PALM2AKAP2: variants seen among roughly 807,000 people sequenced by gnomAD.
The protein encoded by PALM2AKAP2 is PALM2-AKAP2 fusion protein.
A neutral mutation model predicts 71.5 loss-of-function variants in PALM2AKAP2; 37 were observed. That is an observed-to-expected ratio of 0.52 (90% CI 0.40 to 0.68). The LOEUF (loss-of-function observed/expected upper bound fraction) is 0.68. PALM2AKAP2 is among the 30% of genes least tolerant of loss of function. The pLI, the probability that PALM2AKAP2 is intolerant of heterozygous loss-of-function variation, is 0.00. For missense variants in PALM2AKAP2, 1,224 were observed against 1,191.8 expected, an observed-to-expected ratio of 1.03 and a Z score of -0.40; for synonymous variants, 468 against 478.8, an observed-to-expected ratio of 0.98 and a Z score of 0.29.
chr9:109,738,017 C>A (rs188939374), intron 1 of PALM2AKAP2, among the ~76,000 whole-genome samples: 1 of 152,232 alleles, frequency 6.6e-6, no homozygotes, highest in East Asian at 1.9e-4. Flanking sequence ...GAGGCACAGA[C>A]AATCATTATA....
chr9:109,846,239 T>C (rs539409747), intron 1 of PALM2AKAP2, among the ~76,000 whole-genome samples: 1 of 152,170 alleles, frequency 6.6e-6, no homozygotes, highest in Non-Finnish European at 1.5e-5. Flanking sequence ...AAATCCAAGC[T>C]CAGGCTGGGA....
At chr9:109,805,536 G>A (rs12343505) in intron 1 of PALM2AKAP2, among the ~76,000 whole-genome samples, 10,517 of 152,196 alleles carry the variant, frequency 0.069, 489 homozygotes, top group South Asian at 0.094. Flanking sequence ...AAACACAAAT[G>A]TACAACTAGT....
At chr9:109,823,928 GC>G (rs1275261602) in intron 1 of PALM2AKAP2, among the ~76,000 whole-genome samples, 2 of 152,058 alleles carry the variant, frequency 1.3e-5, no homozygotes, top group African/African-American at 4.8e-5. Flanking sequence ...TCACTCTGGC[GC>G]CCAGGCTGGG....
At chr9:110,171,547 A>C (rs1836858077) in exon 4 of PALM2AKAP2, 1 of 152,136 alleles carries the variant, frequency 6.6e-6, no homozygotes, top group East Asian at 1.9e-4. Context: ...TGAGTTTTTT[A>C]TTCATTCAAG....
At chr9:110,127,853 TG>T (rs1835648413) in intron 1 of PALM2AKAP2, 1 of 152,212 alleles carries the variant, frequency 6.6e-6, no homozygotes, top group Admixed American at 6.5e-5. Flanking sequence ...CTTCTCCTAG[TG>T]CTGTTCGTTC....
intron 1 of PALM2AKAP2, among the ~76,000 whole-genome samples, chr9:109,649,052 C>T (rs1436211171): frequency 6.6e-6 from 1 of 151,956 alleles, no homozygotes; most frequent in African/African-American, 2.4e-5. Flanking sequence ...CCTCCCACTC[C>T]TGCAATTTTT....
intron 6 of PALM2AKAP2, among the ~76,000 whole-genome samples, chr9:110,012,520 A>G (rs1433966165): frequency 6.6e-6 from 1 of 152,140 alleles, no homozygotes; most frequent in Non-Finnish European, 1.5e-5. Flanking sequence ...AAGGAATTTT[A>G]CCTCTAGCTT....
intron 1 of PALM2AKAP2, among the ~76,000 whole-genome samples, chr9:109,767,487 G>A (rs1829173024): frequency 6.6e-6 from 1 of 152,146 alleles, no homozygotes; most frequent in African/African-American, 2.4e-5. Flanking sequence ...GATCTTGCTG[G>A]TTTCCCTGCT....
At chr9:109,656,254 G>C (rs1468143991) in intron 1 of PALM2AKAP2, among the ~76,000 whole-genome samples, 1 of 152,192 alleles carries the variant, frequency 6.6e-6, no homozygotes, top group Non-Finnish European at 1.5e-5. Context: ...AGGGGCTCGA[G>C]GGTGGTGACT....
chr9:109,997,234 A>G (rs1832591383), intron 6 of PALM2AKAP2, among the ~76,000 whole-genome samples: 1 of 152,130 alleles, frequency 6.6e-6, no homozygotes, highest in African/African-American at 2.4e-5. Flanking sequence ...AAGTAAATAA[A>G]TAAATATTGA....
chr9:110,146,091 G>A (rs556762840), intron 2 of PALM2AKAP2, among the ~76,000 whole-genome samples: 57 of 151,706 alleles, frequency 3.8e-4, no homozygotes, highest in African/African-American at 1.3e-3. Flanking sequence ...GTAGAGATGG[G>A]GTTTCACCGT....
intron 1 of PALM2AKAP2, among the ~76,000 whole-genome samples, chr9:109,653,167 T>C (rs1043922255): frequency 6.6e-6 from 1 of 152,210 alleles, no homozygotes; most frequent in Non-Finnish European, 1.5e-5. Context: ...TTGTGGAGAA[T>C]GCCTGCCCCC....
At chr9:109,697,419 A>AT (rs1587871861) in intron 1 of PALM2AKAP2, among the ~76,000 whole-genome samples, 1 of 152,168 alleles carries the variant, frequency 6.6e-6, no homozygotes, top group East Asian at 1.9e-4. Flanking sequence ...AGAAGGAAGA[A>AT]GATAGAGTGA....
chr9:110,152,410 G>A (rs1314112063), intron 2 of PALM2AKAP2, among the ~76,000 whole-genome samples: 1 of 152,084 alleles, frequency 6.6e-6, no homozygotes, highest in African/African-American at 2.4e-5. Context: ...GCTGGACCTG[G>A]GGTTACTGGG....
chr9:110,117,876 G>T (rs73655311), intron 1 of PALM2AKAP2, among the ~76,000 whole-genome samples: 73,297 of 150,608 alleles, frequency 0.49, 18,420 homozygotes, highest in East Asian at 0.73. Flanking sequence ...TATATATAGA[G>T]AGAGAGAGAG....
chr9:109,656,012 G>A (rs1827300636), intron 1 of PALM2AKAP2, among the ~76,000 whole-genome samples: 1 of 152,174 alleles, frequency 6.6e-6, no homozygotes, highest in Non-Finnish European at 1.5e-5. Flanking sequence ...AGGCTATTGA[G>A]GAAATGGACA....
At chr9:109,988,611 G>A (rs529927520) in intron 6 of PALM2AKAP2, among the ~76,000 whole-genome samples, 22 of 72,362 alleles carry the variant, frequency 3.0e-4, no homozygotes, top group African/African-American at 7.6e-4. Context: ...AGGAAGGAAC[G>A]AAGGAAGGAT....
At chr9:109,700,445 C>A (rs564771202) in intron 1 of PALM2AKAP2, among the ~76,000 whole-genome samples, 3 of 152,322 alleles carry the variant, frequency 2.0e-5, no homozygotes, top group Admixed American at 2.0e-4. Context: ...GTCCGTTAAA[C>A]ATCTTTCCTT....
chr9:110,135,164 A>AAAAAAAATATATATATAT, intron 1 of PALM2AKAP2, among the ~76,000 whole-genome samples: 2 of 51,732 alleles, frequency 3.9e-5, no homozygotes, highest in African/African-American at 7.3e-5. Context: ...AAAAAAAAAA[A>AAAAAAAATATATATATAT]ATATATAAAT....
Sources: allele counts gnomAD v4.1 joint callset (sites outside exome capture counted in the v4.1 genomes callset), GRCh38; gene constraint gnomAD v4.1.1; transcripts MANE v1.5; gene names NCBI Gene and HGNC (gene_info 2026-07-23, HGNC 2026-07-21).